The following GAK variants were observed in gnomAD, a reference collection of about 807,000 sequenced individuals.
GAK encodes cyclin-G-associated kinase.
A neutral mutation model predicts 143.9 loss-of-function variants in GAK; 79 were observed. That is an observed-to-expected ratio of 0.55 (90% CI 0.46 to 0.66). The LOEUF (loss-of-function observed/expected upper bound fraction) is 0.66. GAK is among the 30% of genes least tolerant of loss of function. The pLI is 0.00. For synonymous variants in GAK, 881 were observed against 765.5 expected (o/e 1.15, Z -2.49); for missense variants, 1,693 against 1,779.7 (o/e 0.95, Z 0.88).
At chr4:863,450 A>C (rs1439786277) in intron 23 of GAK, among the ~76,000 whole-genome samples, 1 of 152,246 alleles carries the variant, frequency 6.6e-6, no homozygotes, top group Non-Finnish European at 1.5e-5. Flanking sequence ...AGGACGGAAG[A>C]AGCTCCATGT....
intron 1 of GAK, among the ~76,000 whole-genome samples, chr4:918,023 G>T (rs969711116): frequency 6.6e-6 from 1 of 152,210 alleles, no homozygotes; most frequent in African/African-American, 2.4e-5. Context: ...ACTAACCAAA[G>T]AAGGGTATAA....
chr4:856,342 C>T lies in GAK; in HGVS notation c.3283+3264G>A, dbSNP rs1470979777. Among the ~76,000 whole-genome samples the T allele has an allele frequency of 3.0e-5, 4 of 134,766 alleles. No homozygotes were observed. The East Asian group carries it at 8.4e-4, about 28-fold the overall frequency. 88.4% of individuals were successfully genotyped at this position (134,766 alleles called of 152,430 possible). On this transcript the variant is annotated intron_variant, in intron 24 of 27. Transcript: ENST00000314167. The stretch of plus-strand genomic sequence containing the variant: ...CACACCTGCTCACCACAGCTGCTCA[C>T]ACCTGCTCACACCTGCTCACCACAG...
At chr4:926,005 A>G (rs1577334763) in intron 1 of GAK, among the ~76,000 whole-genome samples, 1 of 151,850 alleles carries the variant, frequency 6.6e-6, no homozygotes, top group Admixed American at 6.6e-5. Context: ...TGGTGAGCCC[A>G]CCCGGGGGTC....
Position 849,700 on chromosome 4 carries a change from C to A in GAK, c.3909G>T (p.Glu1303Asp), listed in dbSNP as rs1265602677. The A allele has an allele frequency of 1.2e-5, 20 of 1,613,030 alleles. No homozygotes were observed. The highest frequency in any genetic ancestry group is 1.5e-5 in the Non-Finnish European group (18 of 1,179,534). Reference sequence around the variant, plus strand: ...AGAAGAGGGGCCGGGAGCCCTGGTTCTCAAACTCCGACCAGGCGTCATTCA... The same window carrying A: ...AGAAGAGGGGCCGGGAGCCCTGGTTATCAAACTCCGACCAGGCGTCATTCA... ...MELNDAWSEF[E>D]NQGSRPLF Residue 1303 changes from glutamate (E) to aspartate (D), a missense_variant, in exon 28 of 28, where the codon GAG (glutamate) becomes GAT (aspartate). Transcript: ENST00000314167.
Position 867,393 on chromosome 4 carries a change from G to C in GAK, c.2435C>G (p.Ser812Cys). The change falls in exon 21 of 28, where the codon TCC becomes TGC. Residue 812 changes from serine (S) to cysteine (C), a missense_variant. Physicochemically the swap from Ser to Cys is moderately radical, Grantham distance 112. Coordinates refer to ENST00000314167, the MANE Select transcript of GAK (RefSeq NM_005255.4). Reference sequence around the variant, plus strand: ...CATCAGGGCAGACTCGCTCTCCTTGGAAGAGGCATTTTCTGCACCAGTCTC... The same window carrying C: ...CATCAGGGCAGACTCGCTCTCCTTGCAAGAGGCATTTTCTGCACCAGTCTC... The part of the protein sequence containing the change: ...EAETGAENAS[S>C]KESESALMED... 6.4e-7 allele frequency: 1 copy of C among 1,551,050 alleles called. No homozygotes were observed. The highest frequency in any genetic ancestry group is 8.7e-7 in the Non-Finnish European group (1 of 1,144,196).
chr4:854,828 G>A (rs1158939332), intron 24 of GAK, among the ~76,000 whole-genome samples: 5 of 152,060 alleles, frequency 3.3e-5, no homozygotes, highest in South Asian at 2.1e-4. Flanking sequence ...GGCGGATCAC[G>A]AGGTCAGGAG....
intron 6 of GAK, 85 bp downstream of exon 6, chr4:897,948 C>T: frequency 2.1e-6 from 3 of 1,442,880 alleles, no homozygotes; most frequent in East Asian, 5.1e-5. Flanking sequence ...ACTCAAAGCA[C>T]CCCGGCGGAA....
intron 5 of GAK, among the ~76,000 whole-genome samples, chr4:898,690 C>T (rs1719279030): frequency 6.6e-6 from 1 of 152,114 alleles, no homozygotes; most frequent in Non-Finnish European, 1.5e-5. Flanking sequence ...GGTAAAACCT[C>T]GTCTCTACTA....
chr4:887,555 C>A (rs1021105076), intron 11 of GAK: 1 of 148,904 alleles, frequency 6.7e-6, no homozygotes, highest in East Asian at 2.1e-4. Context: ...ACGCAGCTCA[C>A]GCACACTCAC....
chr4:887,203 TCACGCGTACA>T (rs1716557405), intron 11 of GAK: 1 of 131,994 alleles, frequency 7.6e-6, no homozygotes, highest in Non-Finnish European at 1.6e-5. Context: ...GCTCGCGCAC[TCACGCGTACA>T]CATGCACGCG....
At chr4:884,359 T>C (rs2152820981) in intron 11 of GAK, 2 of 467,012 alleles carry the variant, frequency 4.3e-6, no homozygotes, top group East Asian at 4.2e-5. Context: ...GCTGTCTGAC[T>C]GCCCCTTCCC....
intron 26 of GAK, 97 bp downstream of exon 26, chr4:850,839 C>A: frequency 7.3e-7 from 1 of 1,363,134 alleles, no homozygotes; most frequent in Non-Finnish European, 1.0e-6. Flanking sequence ...TGAAAGGTTG[C>A]TGTCTGGAGA....
Position 862,617 on chromosome 4 carries a change from C to A in GAK, c.3166+2505G>T, listed in dbSNP as rs368025978. 2.2e-3 allele frequency among the ~76,000 whole-genome samples: 327 copies of A among 151,434 alleles called. 17 individuals are homozygous for A. The South Asian group carries it at 0.059, about 27-fold the overall frequency. ...AGCTTGCAGTGAGCCAAGATCACAC[C>A]ACTGCACTCCAGCCTGGGCGACAAA... On this transcript the variant is annotated intron_variant, in intron 23 of 27. Coordinates refer to ENST00000314167, the MANE Select transcript of GAK (RefSeq NM_005255.4).
chr4:859,090 G>T, intron 24 of GAK: 2 of 841,364 alleles, frequency 2.4e-6, no homozygotes, highest in Non-Finnish European at 2.9e-6. Context: ...AGACCCAGGG[G>T]CATCAGGTCA....
At position 849,384 on chromosome 4, in the gene GAK, G is replaced by T; in HGVS notation, c.*289C>A. Reference sequence around the variant, plus strand: ...CCAGCAGCGTGGCCCACCACGTGCCGGGGCTCCAGAGGCCACGCCCGAAAC... The same window carrying T: ...CCAGCAGCGTGGCCCACCACGTGCCTGGGCTCCAGAGGCCACGCCCGAAAC... On this transcript the variant is annotated 3_prime_UTR_variant, in exon 28 of 28. Coordinates refer to ENST00000314167, the MANE Select transcript of GAK (RefSeq NM_005255.4). 1 of 474,526 alleles carries T rather than the reference G, an allele frequency of 2.1e-6. No individual in the cohort carries two copies. 29.4% of individuals were successfully genotyped at this position (474,526 alleles called of 1,614,324 possible).
intron 20 of GAK, among the ~76,000 whole-genome samples, chr4:867,670 C>A (rs1751465227): frequency 6.6e-6 from 1 of 151,768 alleles, no homozygotes; most frequent in African/African-American, 2.4e-5. Context: ...CGGCCCAGGG[C>A]CTTGGCAAGT....
intron 18 of GAK, among the ~76,000 whole-genome samples, chr4:873,448 A>G (rs1287067383): frequency 2.0e-5 from 3 of 152,100 alleles, no homozygotes; most frequent in African/African-American, 7.2e-5. Flanking sequence ...CATTTCTCCA[A>G]GTATTCGCTG....
intron 11 of GAK, 28 bp downstream of exon 11, chr4:888,819 G>T (rs377557108): frequency 3.1e-6 from 5 of 1,587,716 alleles, no homozygotes; most frequent in Non-Finnish European, 4.3e-6. Context: ...CGTGCGGCAG[G>T]TCCAGGGCTC....
intron 1 of GAK, among the ~76,000 whole-genome samples, chr4:931,657 G>C (rs1182201148): frequency 6.6e-6 from 1 of 152,058 alleles, no homozygotes; most frequent in African/African-American, 2.4e-5. Context: ...TCTCCGCTGT[G>C]GGTCCCCACC....
Sources: allele counts gnomAD v4.1 joint callset (sites outside exome capture counted in the v4.1 genomes callset), GRCh38; gene constraint gnomAD v4.1.1; transcripts MANE v1.5; gene names NCBI Gene and HGNC (gene_info 2026-07-23, HGNC 2026-07-21).